SLC4A1AP: variants seen among roughly 807,000 people sequenced by gnomAD.
SLC4A1AP encodes kanadaptin.
In SLC4A1AP, 64 loss-of-function variants were observed where a neutral mutation model predicts 89.7. That is an observed-to-expected ratio of 0.71 (90% CI 0.58 to 0.88). The LOEUF (loss-of-function observed/expected upper bound fraction) is 0.88. Among genes scored for constraint, SLC4A1AP ranks in the 40% least tolerant of loss-of-function variants. The pLI is 0.00. For missense variants in SLC4A1AP, 931 were observed against 965.0 expected (o/e 0.96, Z 0.47); for synonymous variants, 366 against 353.3 (o/e 1.04, Z -0.40).
Position 27,665,184 on chromosome 2 carries a change from G to T in SLC4A1AP, c.910G>T (p.Glu304Ter). 1 of 1,613,812 alleles carries T rather than the reference G, an allele frequency of 6.2e-7. No individual in the cohort carries two copies. The highest frequency in any genetic ancestry group is 8.5e-7 in the Non-Finnish European group (1 of 1,179,808). ...GCGCAAGCAGCAGCAAATATTGTTG[G>T]AGAAGAAGATGCTAGGAGAAGACTC... Residue 304 changes from glutamate to a stop codon, truncating the protein, a stop_gained, in exon 2 of 14, where the codon GAG (glutamate) becomes TAG (stop). Coordinates refer to ENST00000613058, the Ensembl canonical transcript of SLC4A1AP. LOFTEE classifies it high-confidence loss of function.
intron 8 of SLC4A1AP, among the ~76,000 whole-genome samples, chr2:27,679,283 C>A (rs60418473): frequency 6.6e-6 from 1 of 152,152 alleles, no homozygotes; most frequent in Non-Finnish European, 1.5e-5. Context: ...TAGAAATCCC[C>A]TAAATGTTTA....
At chr2:27,666,334 C>T (rs956469495) in intron 2 of SLC4A1AP, among the ~76,000 whole-genome samples, 3 of 136,360 alleles carry the variant, frequency 2.2e-5, no homozygotes, top group African/African-American at 8.0e-5. Context: ...TGGTCTTGAA[C>T]TCCTGACCTT....
intron 9 of SLC4A1AP, among the ~76,000 whole-genome samples, 161 bp downstream of exon 9, chr2:27,682,520 G>A (rs1675635644): frequency 7.8e-6 from 1 of 127,968 alleles, no homozygotes; most frequent in South Asian, 2.8e-4. Context: ...TTGGTTCTTG[G>A]ATTCTTTTTT....
chr2:27,675,621 G>C, exon 6 of SLC4A1AP: 2 of 1,611,942 alleles, frequency 1.2e-6, no homozygotes, highest in Non-Finnish European at 1.7e-6. Flanking sequence ...TGGCCTGATT[G>C]AGAAGAAGCG....
intron 12 of SLC4A1AP, chr2:27,693,474 C>G (rs1236526188): frequency 3.8e-6 from 2 of 530,286 alleles, no homozygotes; most frequent in East Asian, 6.3e-5. Flanking sequence ...TAGGTCTGGT[C>G]TGGTAGTGAC....
chr2:27,691,652 G>A (rs1335951951), intron 12 of SLC4A1AP: 9 of 148,922 alleles, frequency 6.0e-5, no homozygotes, highest in Admixed American at 1.3e-4. Flanking sequence ...GCAGTGGTGC[G>A]ATCTCAGCTC....
At chr2:27,676,045 G>T (rs921639122) in intron 6 of SLC4A1AP, among the ~76,000 whole-genome samples, 1 of 152,222 alleles carries the variant, frequency 6.6e-6, no homozygotes, top group Non-Finnish European at 1.5e-5. Flanking sequence ...AGAAGTCAAA[G>T]GAATTTTGAA....
chr2:27,679,656 GAAA>G (rs1455517259), intron 8 of SLC4A1AP, among the ~76,000 whole-genome samples: 1 of 150,458 alleles, frequency 6.6e-6, no homozygotes, highest in African/African-American at 2.4e-5. Flanking sequence ...TATAGCTGTT[GAAA>G]AAAAAGGCAA....
At position 27,675,519 on chromosome 2, in the gene SLC4A1AP, T is replaced by G. The variant is rs1319241853; in HGVS notation, c.1346-13T>G. The G allele has an allele frequency of 6.5e-7, 1 of 1,528,064 alleles. No individual in the cohort carries two copies. 94.7% of individuals were successfully genotyped at this position (1,528,064 alleles called of 1,614,324 possible). A position where few individuals can be genotyped will look rare whatever the true frequency, so the allele number is the denominator to read the frequency against. Reference sequence around the variant, plus strand: ...TTAAAAACTTATTTATTCATCATTTTATCTACCTCTAGTATCTCGGAAAAG... The same window carrying G: ...TTAAAAACTTATTTATTCATCATTTGATCTACCTCTAGTATCTCGGAAAAG... On this transcript the variant is annotated splice_polypyrimidine_tract_variant and intron_variant, in intron 5 of 13. Transcript: ENST00000613058.
At chr2:27,693,695 C>T (rs1455013473) in exon 13 of SLC4A1AP, 6 of 1,606,764 alleles carry the variant, frequency 3.7e-6, no homozygotes, top group Non-Finnish European at 3.4e-6. Context: ...CTTCCACCAA[C>T]ACTTTCTTCC....
intron 12 of SLC4A1AP, 50 bp downstream of exon 12, chr2:27,688,817 C>A: frequency 7.4e-7 from 1 of 1,359,864 alleles, no homozygotes; most frequent in Non-Finnish European, 1.0e-6. Context: ...TTGTCATGGA[C>A]CACATCCAGA....
intron 8 of SLC4A1AP, among the ~76,000 whole-genome samples, 174 bp from the exon 9 acceptor site, chr2:27,682,074 T>G (rs1461494214): frequency 6.6e-6 from 1 of 152,212 alleles, no homozygotes; most frequent in Non-Finnish European, 1.5e-5. Flanking sequence ...GCATTGTTCT[T>G]GTCCATTCAA....
At chr2:27,677,407 G>GCCTAGCATAGAGCA in intron 7 of SLC4A1AP, 43 bp downstream of exon 7, 4 of 1,351,286 alleles carry the variant, frequency 3.0e-6, no homozygotes, top group Non-Finnish European at 4.2e-6. Context: ...CACATATAGT[G>GCCTAGCATAGAGCA]CTCTATGCTA....
intron 2 of SLC4A1AP, 76 bp downstream of exon 2, chr2:27,665,371 A>T: frequency 7.8e-7 from 1 of 1,285,014 alleles, no homozygotes; most frequent in Middle Eastern, 2.6e-4. Context: ...GTTTTTTTAA[A>T]TCATACAGCT....
At chr2:27,681,568 C>T (rs1289440792) in intron 8 of SLC4A1AP, among the ~76,000 whole-genome samples, 1 of 152,134 alleles carries the variant, frequency 6.6e-6, no homozygotes, top group African/African-American at 2.4e-5. Context: ...TCATTGTCAC[C>T]TCTGCCTGCT....
intron 12 of SLC4A1AP, chr2:27,693,374 GC>G (rs1442677013): frequency 3.5e-6 from 1 of 286,492 alleles, no homozygotes; most frequent in Non-Finnish European, 6.4e-6. Flanking sequence ...TGTTTTATAG[GC>G]CCTGTGAGTT....
chr2:27,674,832 C>T (rs1158060756), intron 5 of SLC4A1AP, among the ~76,000 whole-genome samples: 1 of 150,988 alleles, frequency 6.6e-6, no homozygotes, highest in African/African-American at 2.4e-5. Flanking sequence ...CTGCCTTAGC[C>T]TCCTGAGTAG....
chr2:27,668,279 G>C (rs1032839952), intron 3 of SLC4A1AP, among the ~76,000 whole-genome samples: 6 of 152,048 alleles, frequency 3.9e-5, no homozygotes, highest in African/African-American at 1.2e-4. Context: ...CTCCCGAGTA[G>C]CTGGGACTAC....
At chr2:27,664,366 C>T (rs1675264333) in exon 1 of SLC4A1AP, 1 of 1,614,214 alleles carries the variant, frequency 6.2e-7, no homozygotes, top group Non-Finnish European at 8.5e-7. Context: ...GAGCACCCTT[C>T]GGTGTCTCGG....
Sources: gnomAD v4.1 joint callset for allele counts (sites outside exome capture counted in the v4.1 genomes callset) on GRCh38, gnomAD v4.1.1 for gene constraint, MANE v1.5 for transcripts, NCBI Gene and HGNC (gene_info 2026-07-23, HGNC 2026-07-21) for gene names.